The following RGS6 variants were observed in gnomAD, a reference collection of about 807,000 sequenced individuals.
RGS6 encodes the protein regulator of G protein signaling 6, also known as regulator of G-protein signaling 6.
A neutral mutation model predicts 78.5 loss-of-function variants in RGS6; 30 were observed. That is an observed-to-expected ratio of 0.38 (90% CI 0.29 to 0.52). RGS6 has a LOEUF of 0.52. Among genes scored for constraint, RGS6 ranks in the 20% least tolerant of loss-of-function variants. The pLI is 0.85. For missense variants in RGS6, 495 were observed against 609.7 expected (o/e 0.81, Z 1.98); for synonymous variants, 206 against 206.0 (o/e 1.00, Z 0.00).
At chr14:72,396,310 G>A (rs2091257390) in intron 3 of RGS6, among the ~76,000 whole-genome samples, 2 of 152,286 alleles carry the variant, frequency 1.3e-5, no homozygotes, top group South Asian at 4.1e-4. Flanking sequence ...TTTTTCCCAT[G>A]TGTTTTTTGG....
At chr14:72,331,011 C>G (rs1178840482) in intron 2 of RGS6, among the ~76,000 whole-genome samples, 1 of 152,120 alleles carries the variant, frequency 6.6e-6, no homozygotes, top group Admixed American at 6.5e-5. Flanking sequence ...GCATCTGGCC[C>G]AGGCCAGAGA....
intron 2 of RGS6, among the ~76,000 whole-genome samples, chr14:71,967,329 C>T (rs2093584062): frequency 6.6e-6 from 1 of 151,982 alleles, no homozygotes; most frequent in African/African-American, 2.4e-5. Flanking sequence ...CATTTTAAAC[C>T]TAGTTAACCT....
chr14:72,459,106 C>G (rs2095709296), intron 5 of RGS6, among the ~76,000 whole-genome samples: 1 of 152,150 alleles, frequency 6.6e-6, no homozygotes, highest in Non-Finnish European at 1.5e-5. Flanking sequence ...ATAGCACAGA[C>G]CTTGATCTTT....
intron 2 of RGS6, among the ~76,000 whole-genome samples, chr14:72,174,091 T>A (rs1286177531): frequency 1.4e-5 from 2 of 145,772 alleles, no homozygotes; most frequent in Admixed American, 7.0e-5. Flanking sequence ...ACTCCTGTGC[T>A]TTAAGGGCGA....
At chr14:72,187,711 A>C (rs745765991) in intron 2 of RGS6, among the ~76,000 whole-genome samples, 1 of 152,052 alleles carries the variant, frequency 6.6e-6, no homozygotes, top group African/African-American at 2.4e-5. Context: ...TCAGCCCCCA[A>C]TTCTCTTTTC....
chr14:72,053,716 C>T (rs1430732715), intron 2 of RGS6, among the ~76,000 whole-genome samples: 1 of 152,190 alleles, frequency 6.6e-6, no homozygotes, highest in Admixed American at 6.5e-5. Flanking sequence ...GAAACTAGAA[C>T]ACTGTCTTCA....
chr14:72,325,294 T>G (rs2073406495), intron 2 of RGS6, among the ~76,000 whole-genome samples: 1 of 152,206 alleles, frequency 6.6e-6, no homozygotes, highest in African/African-American at 2.4e-5. Context: ...TTTCTCCCAT[T>G]CTGTATGTTG....
chr14:72,557,071 A>AAGAC (rs2097588783), intron 17 of RGS6, among the ~76,000 whole-genome samples: 1 of 152,220 alleles, frequency 6.6e-6, no homozygotes, highest in African/African-American at 2.4e-5. Context: ...AAGGGTGAGA[A>AAGAC]AGACAGGAAT....
intron 2 of RGS6, among the ~76,000 whole-genome samples, chr14:71,990,198 C>A (rs1396650939): frequency 1.3e-5 from 2 of 152,138 alleles, no homozygotes; most frequent in Non-Finnish European, 2.9e-5. Flanking sequence ...GGTTCTACGC[C>A]TATAACTCAA....
chr14:72,340,224 C>T (rs1297119637), intron 2 of RGS6, among the ~76,000 whole-genome samples: 1 of 152,072 alleles, frequency 6.6e-6, no homozygotes. Flanking sequence ...TCTCAGTATC[C>T]CTCCCCAGCT....
Position 72,388,154 on chromosome 14 carries a change from C to CTAG in RGS6, c.184+35962_184+35963insGTA, listed in dbSNP as rs57613639. On this transcript the variant is annotated intron_variant, in intron 3 of 17. Transcript: ENST00000553525. ...TGGAGAATAGTGCTTGAGGTCTTTA[C>CTAG]TAATTTACTCACCTTGGCTCTATTT... 5.7e-3 allele frequency among the ~76,000 whole-genome samples: 869 copies of CTAG among 152,280 alleles called. 12 individuals are homozygous for CTAG. The highest frequency in any genetic ancestry group is 0.02 in the African/African-American group (840 of 41,556).
intron 2 of RGS6, among the ~76,000 whole-genome samples, chr14:71,989,737 G>A (rs887766227): frequency 2.0e-5 from 3 of 152,252 alleles, no homozygotes; most frequent in African/African-American, 2.4e-5. Context: ...ACTCTAAGCC[G>A]TATGGTTTTT....
the RGS6 span, among the ~76,000 whole-genome samples, chr14:71,876,274 G>A: frequency 3.3e-5 from 5 of 152,046 alleles, no homozygotes; most frequent in African/African-American, 4.8e-5. Context: ...TATTGTATGG[G>A]AGCCTAAGTC....
the RGS6 span, among the ~76,000 whole-genome samples, chr14:72,620,185 T>C: frequency 6.6e-6 from 1 of 152,146 alleles, no homozygotes; most frequent in Admixed American, 6.5e-5. Flanking sequence ...CCTCCCAGCC[T>C]ATATAAATCC....
the RGS6 span, among the ~76,000 whole-genome samples, chr14:71,886,406 T>C: frequency 2.0e-5 from 3 of 152,198 alleles, no homozygotes; most frequent in Non-Finnish European, 2.9e-5. Flanking sequence ...TCAATTAATA[T>C]TGACTGACTG....
intron 2 of RGS6, among the ~76,000 whole-genome samples, chr14:72,142,690 A>G (rs1417289612): frequency 1.3e-5 from 2 of 152,202 alleles, no homozygotes; most frequent in Admixed American, 6.5e-5. Context: ...GCCATATAAT[A>G]TAACCTAGTC....
the RGS6 span, among the ~76,000 whole-genome samples, chr14:72,628,373 C>G: frequency 7.0e-6 from 1 of 143,318 alleles, no homozygotes; most frequent in Non-Finnish European, 1.6e-5. Context: ...AAGAATCAAG[C>G]ATTTTTTTCC....
intron 2 of RGS6, among the ~76,000 whole-genome samples, chr14:72,282,025 T>A (rs2061670869): frequency 6.6e-6 from 1 of 152,224 alleles, no homozygotes; most frequent in South Asian, 2.1e-4. Flanking sequence ...ATGGAGCAAC[T>A]GTAGGCTTTT....
chr14:71,909,576 T>TAGAGAG, the RGS6 span, among the ~76,000 whole-genome samples: 41 of 146,104 alleles, frequency 2.8e-4, no homozygotes, highest in African/African-American at 7.1e-4. Flanking sequence ...AATAAGGACA[T>TAGAGAG]AGAGAGAGGG....
Sources: gnomAD v4.1 joint callset for allele counts (sites outside exome capture counted in the v4.1 genomes callset) on GRCh38, gnomAD v4.1.1 for gene constraint, MANE v1.5 for transcripts, NCBI Gene and HGNC (gene_info 2026-07-23, HGNC 2026-07-21) for gene names.